Variants in RBM5 observed in about 807,000 individuals in gnomAD.
RBM5 encodes RNA-binding protein 5.
Under a neutral mutation model 124.6 loss-of-function variants are expected in RBM5, and 15 were observed. That is an observed-to-expected ratio of 0.12 (90% CI 0.08 to 0.19). The LOEUF (loss-of-function observed/expected upper bound fraction) is 0.19, where lower values mean the gene tolerates loss of function less well. Ranked by LOEUF, RBM5 falls within the 10% of genes least tolerant of loss-of-function variation. RBM5 has a pLI of 1.00. For missense variants in RBM5, 580 were observed against 1,026.5 expected, an observed-to-expected ratio of 0.57 and a Z score of 5.94; for synonymous variants, 337 against 361.2, an observed-to-expected ratio of 0.93 and a Z score of 0.76.
At chr3:50,098,959 CAG>C (rs1320343571) in intron 4 of RBM5, among the ~76,000 whole-genome samples, 7 of 152,144 alleles carry the variant, frequency 4.6e-5, no homozygotes, top group Non-Finnish European at 1.0e-4. Flanking sequence ...TGTATCATAA[CAG>C]AAATTAATTG....
At chr3:50,109,907 T>C in intron 15 of RBM5, 1 of 447,466 alleles carries the variant, frequency 2.2e-6, no homozygotes, top group Non-Finnish European at 3.9e-6. Context: ...TATGCATGCT[T>C]GACCTTTAGA....
chr3:50,108,218 G>A lies in RBM5; in HGVS notation c.1120-14G>A. 1 of 1,610,978 alleles carries A rather than the reference G, an allele frequency of 6.2e-7. No individual in the cohort carries two copies. The highest frequency in any genetic ancestry group is 8.5e-7 in the Non-Finnish European group (1 of 1,177,212). ...GTCTGAGAATAGCAGCTTTAATGGT[G>A]GACTTTTCTTCAGTATTCACAGGAT... On this transcript the variant is annotated splice_polypyrimidine_tract_variant and intron_variant, in intron 13 of 24. Coordinates refer to ENST00000347869, the MANE Select transcript of RBM5 (RefSeq NM_005778.4).
chr3:50,089,385 A>G (rs991737240), intron 1 of RBM5, among the ~76,000 whole-genome samples: 1 of 152,218 alleles, frequency 6.6e-6, no homozygotes, highest in Non-Finnish European at 1.5e-5. Context: ...GCTCAACTGC[A>G]ACTGAATCGC....
At chr3:50,113,149 C>T (rs375091770) in intron 17 of RBM5, 27 of 324,740 alleles carry the variant, frequency 8.3e-5, no homozygotes, top group Middle Eastern at 9.2e-4. Flanking sequence ...CCACTGCTCC[C>T]GGCTGGGAAC....
In RBM5 at chr3:50,106,835, T is replaced by C; in HGVS notation, c.924T>C (p.Ile308=). 1 of 1,612,698 alleles carries C rather than the reference T, an allele frequency of 6.2e-7. No individual in the cohort carries two copies. Among genetic ancestry groups the C allele is most frequent in the Non-Finnish European group, 8.5e-7 (1 of 1,178,698 alleles). The change falls in exon 11 of 25, where the codon ATT becomes ATC. Residue 308 remains isoleucine, a synonymous_variant. Transcript: ENST00000347869. ...CTTTGAAAATTGATGGCAAAACTATTGGGGTTGATTTTGCAAAAAGTGCCA... is the reference window on the plus strand; with the variant it reads ...CTTTGAAAATTGATGGCAAAACTATCGGGGTTGATTTTGCAAAAAGTGCCA... ...HPPLKIDGKT[I]GVDFAKSARK... is the part of the protein sequence containing the mutation.
chr3:50,114,128 G>T (rs376246204), intron 19 of RBM5, 29 bp downstream of exon 19: 35 of 1,614,056 alleles, frequency 2.2e-5, no homozygotes, highest in Non-Finnish European at 2.9e-5. Flanking sequence ...AGTATGTCAT[G>T]ATGGGAACTT....
At chr3:50,104,999 CT>C in intron 8 of RBM5, 77 bp from the exon 9 acceptor site, 1 of 1,128,020 alleles carries the variant, frequency 8.9e-7, no homozygotes, top group Non-Finnish European at 1.3e-6. Flanking sequence ...AAAATAAAAA[CT>C]TGTGGGGATT....
In RBM5 at chr3:50,110,029, G is replaced by A. The variant is rs568932947; in HGVS notation, c.1278+341G>A. ...AGATCAAGACCATCCTGGCTAACAC[G>A]GTGAAACCCCGTCTCTACTAAAAAT... On this transcript the variant is annotated intron_variant, in intron 15 of 24. Transcript: ENST00000347869. Among the ~76,000 whole-genome samples, 44 of 152,140 alleles carry A rather than the reference G, an allele frequency of 2.9e-4. No individual in the cohort carries two copies. In the East Asian group the frequency reaches 7.2e-3, roughly 25 times the overall value.
chr3:50,114,006 T>G lies in RBM5; in HGVS notation c.1674T>G (p.Phe558Leu). ...AKSLNKQKEN[F>L]KNSFQPVNSL... ...GTTTGAATAAGCAGAAAGAAAACTT[T>G]AAAAATAGCTTTCAGCCTGTCAATT... is the stretch of plus-strand genomic sequence containing the variant. Residue 558 changes from phenylalanine (F) to leucine (L), a missense_variant, in exon 19 of 25, where the codon TTT (phenylalanine) becomes TTG (leucine). Coordinates refer to ENST00000347869, the MANE Select transcript of RBM5 (RefSeq NM_005778.4). 1 of 1,614,168 alleles carries G rather than the reference T, an allele frequency of 6.2e-7. No homozygotes were observed.
At position 50,100,219 on chromosome 3, in the gene RBM5, C is replaced by A. The variant is rs2090911878; in HGVS notation, c.409+168C>A. On this transcript the variant is annotated intron_variant, in intron 5 of 24. Transcript: ENST00000347869. This position sits in a 1 kb window ranked among gnomAD's most constrained non-coding sequence, Gnocchi z 5.1. ...GAAAACCATGTTAGCATCTGAGGAA[C>A]TTTTTTAAACTTTGTTTTAGGGACT... 1.5e-6 allele frequency: 1 copy of A among 656,668 alleles called. No homozygotes were observed. The highest frequency in any genetic ancestry group is 1.9e-5 in the African/African-American group (1 of 53,778). The allele number at this position is 656,668 out of a possible 1,614,324, so 40.7% of individuals were successfully genotyped here.
intron 8 of RBM5, chr3:50,104,586 T>C: frequency 2.4e-6 from 1 of 410,318 alleles, no homozygotes; most frequent in Non-Finnish European, 4.5e-6. Flanking sequence ...AAGGCTGCAG[T>C]GAGCTATGGT....
At chr3:50,104,484 A>G in intron 8 of RBM5, 176 bp downstream of exon 8, 1 of 600,044 alleles carries the variant, frequency 1.7e-6, no homozygotes, top group South Asian at 2.0e-5. Flanking sequence ...ACAAAAAAAG[A>G]AATTTTAAAT....
At position 50,113,451 on chromosome 3, in the gene RBM5, T is replaced by G; in HGVS notation, c.1524T>G (p.Ala508=). 1 of 1,614,104 alleles carries G rather than the reference T, an allele frequency of 6.2e-7. No individual in the cohort carries two copies. Among genetic ancestry groups the G allele is most frequent in the Non-Finnish European group, 8.5e-7 (1 of 1,180,002 alleles). ...GGGAAAAAGAGACCTACGTGCCAGC[T>G]GCAGAGTCTAGCTCCCACCAGCAGT... ...WDGEKETYVP[A]AESSSHQQSG... Residue 508 remains alanine (A), a synonymous_variant, in exon 18 of 25, where the codon GCT becomes GCG. Transcript: ENST00000347869.
At chr3:50,112,306 C>T (rs2091159261) in intron 17 of RBM5, among the ~76,000 whole-genome samples, 1 of 149,228 alleles carries the variant, frequency 6.7e-6, no homozygotes, top group South Asian at 2.1e-4. Context: ...GTCCCAGCTA[C>T]TCGGGAGGCT....
chr3:50,113,462 G>A lies in RBM5; in HGVS notation c.1535G>A (p.Ser512Asn), dbSNP rs755880268. 1.4e-5 allele frequency: 23 copies of A among 1,613,984 alleles called. No homozygotes were observed. The Admixed American group carries it at 1.7e-4, about 12-fold the overall frequency. The change falls in exon 18 of 25, where the codon AGC becomes AAC. Residue 512 changes from serine (S) to asparagine (N), a missense_variant. Physicochemically the swap from Ser to Asn is conservative, Grantham distance 46 (BLOSUM62 1). Around this residue, in one of 6 missense-constraint regions of RBM5, gnomAD observed 234 missense variants for 435.1 expected, o/e 0.54. Coordinates refer to ENST00000347869, the MANE Select transcript of RBM5 (RefSeq NM_005778.4). ...ACCTACGTGCCAGCTGCAGAGTCTA[G>A]CTCCCACCAGCAGTCGGGCCTGCCT... Reference protein sequence around the residue: ...KETYVPAAESSSHQQSGLPPA... With the variant: ...KETYVPAAESNSHQQSGLPPA...
At chr3:50,092,464 GGTAAGA>G (rs1559676212) in intron 3 of RBM5, among the ~76,000 whole-genome samples, 2 of 151,776 alleles carry the variant, frequency 1.3e-5, no homozygotes, top group African/African-American at 4.8e-5. Context: ...GGGAGACTGA[GGTAAGA>G]GAATCACTTG....
intron 14 of RBM5, 65 bp downstream of exon 14, chr3:50,108,369 A>G (rs1323139321): frequency 2.1e-6 from 3 of 1,422,056 alleles, no homozygotes; most frequent in African/African-American, 2.8e-5. Context: ...ATATGATTAA[A>G]TGTCCTAACT....
chr3:50,101,108 TGAG>T (rs1266908604), intron 6 of RBM5: 1 of 152,008 alleles, frequency 6.6e-6, no homozygotes, highest in African/African-American at 2.4e-5. Context: ...ATAAGTCTGA[TGAG>T]ATTAGCCTGG....
At chr3:50,089,496 C>T (rs1404772055) in intron 1 of RBM5, among the ~76,000 whole-genome samples, 3 of 152,244 alleles carry the variant, frequency 2.0e-5, no homozygotes, top group Non-Finnish European at 2.9e-5. Context: ...ACGCTGGAGT[C>T]GGTCGAGCAG....
Sources: gnomAD v4.1 joint callset for allele counts (sites outside exome capture counted in the v4.1 genomes callset) on GRCh38, gnomAD v4.1.1 for gene constraint, gnomAD v4.1.1 regional missense constraint, Gnocchi (gnomAD v3.1) non-coding constraint, MANE v1.5 for transcripts, NCBI Gene and HGNC (gene_info 2026-07-23, HGNC 2026-07-21) for gene names.